The following ZNF236 variants were observed in gnomAD, a reference collection of about 807,000 sequenced individuals.
ZNF236 encodes regulated by glucose.
ZNF236 carries 50 observed loss-of-function variants against 191.2 expected under a neutral mutation model. The ratio of observed to expected loss-of-function variants is 0.26; its 90% CI spans 0.21 to 0.33. The LOEUF (loss-of-function observed/expected upper bound fraction) is 0.33, where lower values mean the gene tolerates loss of function less well. Among genes scored for constraint, ZNF236 ranks in the 10% least tolerant of loss-of-function variants. The pLI is 1.00. For missense variants in ZNF236, 1,754 were observed against 2,374.5 expected (o/e 0.74, Z 5.43); for synonymous variants, 907 against 928.8 (o/e 0.98, Z 0.43).
In ZNF236 at chr18:76,880,375, G is replaced by A; in HGVS notation, c.1188+59G>A. 3 of 1,495,606 alleles carry A rather than the reference G, an allele frequency of 2.0e-6. No homozygotes were observed. The highest frequency in any genetic ancestry group is 2.7e-6 in the Non-Finnish European group (3 of 1,108,708). The allele number at this position is 1,495,606 out of a possible 1,614,324, so 92.6% of individuals were successfully genotyped here. A position where few individuals can be genotyped will look rare whatever the true frequency, so the allele number is the denominator to read the frequency against. ...GTGCTCGTGCTGGGTCAGAAACCAG[G>A]GATGATAATTGAGAATAAATCTGCA... On this transcript the variant is annotated intron_variant, in intron 8 of 30. Transcript: ENST00000320610. The surrounding 1 kb of genome is among the most constrained non-coding windows in gnomAD (Gnocchi z 5.0).
At position 76,960,554 on chromosome 18, in the gene ZNF236, C is replaced by T; in HGVS notation, c.5243-125C>T. 7.9e-7 allele frequency: 1 copy of T among 1,269,176 alleles called. No individual in the cohort carries two copies. The highest frequency in any genetic ancestry group is 1.1e-6 in the Non-Finnish European group (1 of 891,378). The allele number at this position is 1,269,176 out of a possible 1,614,324, so 78.6% of individuals were successfully genotyped here. ...CTCCTCCAGCCCTTTGTTCAGATGACAGCCAGGCTGAAAGCCTAAAAGAAA... is the reference window on the plus strand; with the variant it reads ...CTCCTCCAGCCCTTTGTTCAGATGATAGCCAGGCTGAAAGCCTAAAAGAAA... On this transcript the variant is annotated intron_variant, in intron 29 of 30. Coordinates refer to ENST00000320610, the MANE Select transcript of ZNF236 (RefSeq NM_001306089.2). The surrounding 1 kb of genome is among the most constrained non-coding windows in gnomAD (Gnocchi z 4.4).
At chr18:76,911,633 T>C (rs974156049) in intron 16 of ZNF236, among the ~76,000 whole-genome samples, 2 of 152,236 alleles carry the variant, frequency 1.3e-5, no homozygotes, top group Non-Finnish European at 2.9e-5. Context: ...ATGACTCTAC[T>C]GTTCGCAGTC....
chr18:76,900,812 C>T (rs1380291400), intron 11 of ZNF236, among the ~76,000 whole-genome samples: 1 of 152,060 alleles, frequency 6.6e-6, no homozygotes, highest in Non-Finnish European at 1.5e-5. Context: ...ATAGCAGTTC[C>T]CAACCTTTTT....
rs530251586 is a variant in ZNF236 at position 76,927,053 on chromosome 18, C to T, written c.4044C>T (p.Thr1348=). The T allele has an allele frequency of 6.2e-6, 10 of 1,612,100 alleles. No homozygotes were observed. The highest frequency in any genetic ancestry group is 4.5e-5 in the East Asian group (2 of 44,808). ...TCTGGCCAGCTGGGGGTGACCTGAC[C>T]GTGTCTCTGACAGATGGGAGCCTGG... ...PASVSAGGDL[T]VSLTDGSLAT... The change falls in exon 23 of 31, where the codon ACC becomes ACT. Residue 1348 remains threonine (T), a synonymous_variant. Coordinates refer to ENST00000320610, the MANE Select transcript of ZNF236 (RefSeq NM_001306089.2). This position sits in a 1 kb window ranked among gnomAD's most constrained non-coding sequence, Gnocchi z 5.4.
At chr18:76,851,662 A>C in intron 2 of ZNF236, 113 bp from the exon 3 acceptor site, 1 of 1,198,690 alleles carries the variant, frequency 8.3e-7, no homozygotes, top group Non-Finnish European at 1.1e-6. Flanking sequence ...AGACTTCAGA[A>C]GTTTCTGTAG....
Position 76,919,901 on chromosome 18 carries a change from G to A in ZNF236, c.3400G>A (p.Ala1134Thr), listed in dbSNP as rs374449282. 2.5e-6 allele frequency: 4 copies of A among 1,614,058 alleles called. No homozygotes were observed. The highest frequency in any genetic ancestry group is 3.4e-6 in the Non-Finnish European group (4 of 1,180,050). The change falls in exon 20 of 31, where the codon GCC becomes ACC. Residue 1134 changes from alanine to threonine, a missense_variant. Ala to Thr is a moderately conservative substitution (Grantham distance 58). Transcript: ENST00000320610. This position sits in a 1 kb window ranked among gnomAD's most constrained non-coding sequence, Gnocchi z 5.3. Reference sequence around the variant, plus strand: ...AGCCAAGATCCGGCCGCAGGAGAGCGCCACGGTGTCAGAGAAGGTCCTGGT... The same window carrying A: ...AGCCAAGATCCGGCCGCAGGAGAGCACCACGGTGTCAGAGAAGGTCCTGGT... ...QLAKIRPQESATVSEKVLVQS... is the reference protein window; with the variant it reads ...QLAKIRPQESTTVSEKVLVQS...
intron 26 of ZNF236, among the ~76,000 whole-genome samples, chr18:76,940,731 T>G (rs1312908346): frequency 6.6e-6 from 1 of 152,230 alleles, no homozygotes; most frequent in Non-Finnish European, 1.5e-5. Flanking sequence ...CTAGGTTGTA[T>G]TTTTAAAGTC....
chr18:76,837,643 T>C (rs986088780), intron 1 of ZNF236, among the ~76,000 whole-genome samples: 2 of 152,060 alleles, frequency 1.3e-5, no homozygotes, highest in Non-Finnish European at 2.9e-5. Flanking sequence ...GGTTTCACCA[T>C]GTTGGCCAGG....
chr18:76,900,569 A>G (rs1345523600), intron 11 of ZNF236, among the ~76,000 whole-genome samples: 1 of 152,208 alleles, frequency 6.6e-6, no homozygotes, highest in Non-Finnish European at 1.5e-5. Flanking sequence ...CAGTTCACTG[A>G]AAAACTTATA....
chr18:76,912,905 G>T (rs1360016997), intron 17 of ZNF236, among the ~76,000 whole-genome samples: 1 of 152,166 alleles, frequency 6.6e-6, no homozygotes, highest in South Asian at 2.1e-4. Context: ...CACCTGCATC[G>T]GCCTCCCAAA....
intron 26 of ZNF236, among the ~76,000 whole-genome samples, chr18:76,946,096 G>A (rs1968254299): frequency 6.6e-6 from 1 of 152,164 alleles, no homozygotes; most frequent in Admixed American, 6.5e-5. Flanking sequence ...GTTTGGCCGT[G>A]TCCCCACCCA....
At chr18:76,922,804 G>A (rs1967573845) in intron 20 of ZNF236, among the ~76,000 whole-genome samples, 1 of 152,106 alleles carries the variant, frequency 6.6e-6, no homozygotes. Context: ...TGATCTCCCT[G>A]CCTCAGCCTC....
intron 3 of ZNF236, among the ~76,000 whole-genome samples, chr18:76,857,867 G>A (rs1291229629): frequency 6.6e-6 from 1 of 152,160 alleles, no homozygotes; most frequent in Non-Finnish European, 1.5e-5. Context: ...TTTAGATTCA[G>A]GGGAGAACTG....
At position 76,960,715 on chromosome 18, in the gene ZNF236, C is replaced by A. The variant is rs772823233; in HGVS notation, c.5279C>A (p.Ala1760Asp). The change falls in exon 30 of 31, where the codon GCC (alanine) becomes GAC (aspartate). Residue 1760 changes from alanine to aspartate, a missense_variant. Around this residue, in one of 5 missense-constraint regions of ZNF236, gnomAD observed 606 missense variants for 761.5 expected, o/e 0.80. Transcript: ENST00000320610. This position sits in a 1 kb window ranked among gnomAD's most constrained non-coding sequence, Gnocchi z 4.4. ...RPFHCTLCEK[A>D]FNQKSALQVH... ...TTCCATTGCACGCTTTGTGAGAAAG[C>A]CTTCAACCAGAAGAGTGCGCTGCAG... is the stretch of plus-strand genomic sequence containing the variant. 1 of 1,614,178 alleles carries A rather than the reference C, an allele frequency of 6.2e-7. No homozygotes were observed. The highest frequency in any genetic ancestry group is 1.1e-5 in the South Asian group (1 of 91,084).
At chr18:76,901,395 A>G (rs1977587850) in intron 11 of ZNF236, among the ~76,000 whole-genome samples, 1 of 152,216 alleles carries the variant, frequency 6.6e-6, no homozygotes, top group Admixed American at 6.5e-5. Context: ...GGCAGAATTG[A>G]CTGTAGAAGA....
chr18:76,825,257 A>C (rs987462627), intron 1 of ZNF236, among the ~76,000 whole-genome samples: 1 of 152,242 alleles, frequency 6.6e-6, no homozygotes, highest in Non-Finnish European at 1.5e-5. Flanking sequence ...TCTGAACACC[A>C]GTCCTCCTGT....
chr18:76,955,935 C>G, intron 27 of ZNF236, 50 bp from the exon 28 acceptor site: 3 of 1,568,618 alleles, frequency 1.9e-6, no homozygotes, highest in Non-Finnish European at 2.6e-6. Flanking sequence ...TCACAAACTG[C>G]ACAAATCAAG....
Position 76,875,752 on chromosome 18 carries a change from C to T in ZNF236, c.840+88C>T, listed in dbSNP as rs181183795. ...ATAAACGGACCTGAGAAATTCTTTT[C>T]CATTTAAAAAAATGCAGATTGATTT... On this transcript the variant is annotated intron_variant, in intron 6 of 30. Transcript: ENST00000320610. This position sits in a 1 kb window ranked among gnomAD's most constrained non-coding sequence, Gnocchi z 4.3. 2,574 of 1,273,490 alleles carry T rather than the reference C, an allele frequency of 2.0e-3. 6 individuals are homozygous for T. The highest frequency in any genetic ancestry group is 9.8e-3 in the Middle Eastern group (32 of 3,262). 78.9% of individuals were successfully genotyped at this position (1,273,490 alleles called of 1,614,324 possible).
At position 76,925,056 on chromosome 18, in the gene ZNF236, G is replaced by A; in HGVS notation, c.3662-133G>A. ...GTGACGTCCGTAACATCTTATAGGT[G>A]AAAGGGATTCTCATTAAAGTACTTC... On this transcript the variant is annotated intron_variant, in intron 21 of 30. Coordinates refer to ENST00000320610, the MANE Select transcript of ZNF236 (RefSeq NM_001306089.2). This position sits in a 1 kb window ranked among gnomAD's most constrained non-coding sequence, Gnocchi z 5.7. 2 of 1,347,544 alleles carry A rather than the reference G, an allele frequency of 1.5e-6. No individual in the cohort carries two copies. The highest frequency in any genetic ancestry group is 1.5e-5 in the African/African-American group (1 of 68,084). 83.5% of individuals were successfully genotyped at this position (1,347,544 alleles called of 1,614,324 possible). A position where few individuals can be genotyped will look rare whatever the true frequency, so the allele number is the denominator to read the frequency against.
Sources: allele counts gnomAD v4.1 joint callset (sites outside exome capture counted in the v4.1 genomes callset), GRCh38; gene constraint gnomAD v4.1.1; regional missense constraint gnomAD v4.1.1; non-coding constraint Gnocchi (gnomAD v3.1); transcripts MANE v1.5; gene names NCBI Gene and HGNC (gene_info 2026-07-23, HGNC 2026-07-21).